The following CEP112 variants were observed in gnomAD, a reference collection of about 807,000 sequenced individuals.
The protein encoded by CEP112 is centrosomal protein of 112 kDa.
A neutral mutation model predicts 153.0 loss-of-function variants in CEP112; 127 were observed. The ratio of observed to expected loss-of-function variants is 0.83; its 90% CI spans 0.72 to 0.96. The LOEUF is 0.96. CEP112 is among the 40% of genes least tolerant of loss of function. CEP112 has a pLI of 0.00. For synonymous variants in CEP112, 358 were observed against 374.4 expected (o/e 0.96, Z 0.51); for missense variants, 1,089 against 1,101.2 (o/e 0.99, Z 0.16).
At chr17:65,678,696 A>G (rs1460063783) in intron 24 of CEP112, among the ~76,000 whole-genome samples, 1 of 152,176 alleles carries the variant, frequency 6.6e-6, no homozygotes, top group Non-Finnish European at 1.5e-5. Context: ...GCAGGGACGA[A>G]GAGCCACTTC....
At chr17:65,721,538 T>TG (rs2049887795) in intron 23 of CEP112, among the ~76,000 whole-genome samples, 1 of 152,200 alleles carries the variant, frequency 6.6e-6, no homozygotes, top group Non-Finnish European at 1.5e-5. Flanking sequence ...TGTATTGATC[T>TG]CTTTTATTTA....
chr17:66,018,021 G>A (rs1285890638), intron 16 of CEP112, among the ~76,000 whole-genome samples: 1 of 151,140 alleles, frequency 6.6e-6, no homozygotes, highest in Non-Finnish European at 1.5e-5. Context: ...AAAAATCCTT[G>A]TTTGTACCTA....
In CEP112 at chr17:65,640,986, G is replaced by T. The variant is rs1427262464; in HGVS notation, c.2777C>A (p.Thr926Asn). Residue 926 changes from threonine (T) to asparagine (N), a missense_variant, in exon 25 of 27, where the codon ACC becomes AAC. Thr to Asn is a moderately conservative substitution (Grantham distance 65). Coordinates refer to ENST00000535342, the MANE Select transcript of CEP112 (RefSeq NM_001199165.4). The stretch of plus-strand genomic sequence containing the variant: ...TACCTGTGATTTTAGGGAGGAAATG[G>T]TGTCTTCAAGTTCTTGTCTTAGGGA... The part of the protein sequence containing the change: ...PASLRQELED[T>N]ISSLKSQVNF... The T allele has an allele frequency of 1.9e-6, 3 of 1,603,518 alleles. No individual in the cohort carries two copies. The highest frequency in any genetic ancestry group is 2.6e-6 in the Non-Finnish European group (3 of 1,170,520).
At chr17:66,008,596 G>A (rs113765999) in intron 16 of CEP112, among the ~76,000 whole-genome samples, 8 of 151,960 alleles carry the variant, frequency 5.3e-5, no homozygotes, top group South Asian at 4.2e-4. Context: ...AACCTCCCTC[G>A]GCATCCAAAA....
chr17:65,884,706 C>CT (rs11370374), intron 20 of CEP112, among the ~76,000 whole-genome samples: 101,434 of 130,552 alleles, frequency 0.78, 40,335 homozygotes, highest in Non-Finnish European at 0.88. Context: ...TTTGTAGTTT[C>CT]TTTTTTTTTT....
chr17:65,774,581 G>A (rs962433190), intron 21 of CEP112, among the ~76,000 whole-genome samples: 5 of 152,310 alleles, frequency 3.3e-5, no homozygotes, highest in Non-Finnish European at 5.9e-5. Flanking sequence ...AGAGCAGCAC[G>A]GATGTAGCCA....
At chr17:66,075,219 T>C (rs934020832) in intron 8 of CEP112, among the ~76,000 whole-genome samples, 2 of 152,174 alleles carry the variant, frequency 1.3e-5, no homozygotes, top group Non-Finnish European at 2.9e-5. Flanking sequence ...AAAAGTTAGG[T>C]TTCATAAGGT....
intron 20 of CEP112, among the ~76,000 whole-genome samples, chr17:65,890,920 G>A (rs959807158): frequency 2.0e-5 from 3 of 152,142 alleles, no homozygotes; most frequent in African/African-American, 4.8e-5. Context: ...TTGATGTGTG[G>A]TAAGATGCGT....
At chr17:66,028,277 G>T (rs752249585) in intron 15 of CEP112, 36 bp downstream of exon 15, 5 of 1,258,536 alleles carry the variant, frequency 4.0e-6, no homozygotes, top group South Asian at 1.3e-5. Context: ...AACTGTGTTT[G>T]ACCATTGTTC....
chr17:65,826,708 T>C (rs571376401), intron 21 of CEP112, among the ~76,000 whole-genome samples: 2 of 152,320 alleles, frequency 1.3e-5, no homozygotes, highest in Admixed American at 6.5e-5. Context: ...AAGTGCATAA[T>C]AGAGAACATT....
chr17:66,190,590 G>A (rs1210780457), intron 1 of CEP112, among the ~76,000 whole-genome samples: 3 of 152,140 alleles, frequency 2.0e-5, no homozygotes, highest in Non-Finnish European at 4.4e-5. Context: ...ACTCCAGCCT[G>A]GGCCACAGAG....
intron 12 of CEP112, among the ~76,000 whole-genome samples, chr17:66,051,001 C>CT (rs200361178): frequency 0.017 from 2,596 of 151,902 alleles, 31 homozygotes; most frequent in Middle Eastern, 0.031. Flanking sequence ...TTAATTTTTT[C>CT]TTTTTTTTGG....
chr17:65,686,016 C>T (rs1304229435), intron 24 of CEP112, among the ~76,000 whole-genome samples: 2 of 150,192 alleles, frequency 1.3e-5, no homozygotes, highest in South Asian at 2.1e-4. Flanking sequence ...TAAAGGGGGA[C>T]ATAGGTCAAA....
chr17:65,709,689 C>G (rs2049081436), intron 23 of CEP112, among the ~76,000 whole-genome samples: 1 of 152,156 alleles, frequency 6.6e-6, no homozygotes, highest in African/African-American at 2.4e-5. Flanking sequence ...CATCTGGTTC[C>G]AGGTGGAAGC....
At chr17:66,085,666 A>G (rs1252471560) in intron 8 of CEP112, among the ~76,000 whole-genome samples, 2 of 152,166 alleles carry the variant, frequency 1.3e-5, no homozygotes, top group African/African-American at 4.8e-5. Context: ...AATCATCAGA[A>G]TATATATGTC....
chr17:66,014,765 C>T (rs1486363287), intron 16 of CEP112, among the ~76,000 whole-genome samples: 8 of 152,216 alleles, frequency 5.3e-5, no homozygotes. Context: ...AGCTTCCTCC[C>T]CTTTCAGCCC....
At chr17:65,697,178 G>C (rs2063367503) in intron 23 of CEP112, among the ~76,000 whole-genome samples, 1 of 152,160 alleles carries the variant, frequency 6.6e-6, no homozygotes, top group Non-Finnish European at 1.5e-5. Flanking sequence ...TATTTGTTAA[G>C]TTATAAAATC....
intron 21 of CEP112, among the ~76,000 whole-genome samples, chr17:65,807,554 A>G (rs2055684609): frequency 6.6e-6 from 1 of 152,186 alleles, no homozygotes; most frequent in African/African-American, 2.4e-5. Flanking sequence ...CTAGGAGGGA[A>G]AAATGGTTTT....
chr17:65,704,034 C>T (rs530998681), intron 23 of CEP112, among the ~76,000 whole-genome samples: 2 of 152,046 alleles, frequency 1.3e-5, no homozygotes, highest in South Asian at 2.1e-4. Context: ...CATAATCAGA[C>T]GAGGTCACCC....
Sources: allele counts gnomAD v4.1 joint callset (sites outside exome capture counted in the v4.1 genomes callset), GRCh38; gene constraint gnomAD v4.1.1; transcripts MANE v1.5; gene names NCBI Gene and HGNC (gene_info 2026-07-23, HGNC 2026-07-21).